FER: variants seen among roughly 807,000 people sequenced by gnomAD.
The protein encoded by FER is tyrosine-protein kinase Fer.
In FER, 63 loss-of-function variants were observed where a neutral mutation model predicts 111.0. The ratio of observed to expected loss-of-function variants is 0.57; its 90% CI spans 0.46 to 0.70. The LOEUF (loss-of-function observed/expected upper bound fraction) is 0.70. Ranked by LOEUF, FER falls within the 30% of genes least tolerant of loss-of-function variation. FER has a pLI of 0.00. For synonymous variants in FER, 327 were observed against 313.9 expected, an observed-to-expected ratio of 1.04 and a Z score of -0.44; for missense variants, 914 against 954.0, an observed-to-expected ratio of 0.96 and a Z score of 0.55.
At chr5:108,951,378 T>A (rs892439692) in intron 11 of FER, among the ~76,000 whole-genome samples, 2 of 152,142 alleles carry the variant, frequency 1.3e-5, no homozygotes, top group Non-Finnish European at 2.9e-5. Context: ...AAAGTGCTGT[T>A]ACAGGATACA....
chr5:109,072,640 C>A (rs530625488), intron 16 of FER, among the ~76,000 whole-genome samples: 5 of 151,900 alleles, frequency 3.3e-5, no homozygotes, highest in African/African-American at 9.7e-5. Context: ...ATCCAGCTAT[C>A]GGACTCAAAG....
At chr5:108,773,960 A>G (rs912448764) in intron 2 of FER, among the ~76,000 whole-genome samples, 1 of 152,150 alleles carries the variant, frequency 6.6e-6, no homozygotes, top group Non-Finnish European at 1.5e-5. Flanking sequence ...TCTGGTATAC[A>G]TGTGCAGAAT....
At chr5:109,068,732 C>G (rs1385605705) in intron 16 of FER, among the ~76,000 whole-genome samples, 1 of 152,098 alleles carries the variant, frequency 6.6e-6, no homozygotes, top group East Asian at 1.9e-4. Context: ...GAATATAATG[C>G]TCAAAGGGTT....
In FER at chr5:109,096,861, A is replaced by C. The variant is rs1259087458; in HGVS notation, c.1925-3535A>C. ...GGAAAATAGATGTTATACAGCAAAC[A>C]CCAAGTCCCTACTACAACCCTTTCT... On this transcript the variant is annotated intron_variant, in intron 16 of 19. Transcript: ENST00000281092. Among the ~76,000 whole-genome samples the C allele has an allele frequency of 2.0e-5, 3 of 151,626 alleles. No individual in the cohort carries two copies. In the Admixed American group the frequency reaches 2.0e-4, roughly 10 times the overall value.
intron 9 of FER, 76 bp from the exon 10 acceptor site, chr5:108,897,583 G>C: frequency 9.4e-7 from 1 of 1,063,324 alleles, no homozygotes; most frequent in African/African-American, 1.7e-5. Flanking sequence ...TCAAAGAAAA[G>C]CATAATTTAC....
At chr5:108,883,582 G>GTAAAAATATTT (rs1765888797) in intron 9 of FER, 64 bp downstream of exon 9, 1 of 1,398,088 alleles carries the variant, frequency 7.2e-7, no homozygotes, top group South Asian at 1.6e-5. Flanking sequence ...AAATATTTTA[G>GTAAAAATATTT]TTACATGGCA....
intron 16 of FER, among the ~76,000 whole-genome samples, chr5:109,087,459 G>T (rs11955632): frequency 6.6e-6 from 1 of 151,546 alleles, no homozygotes; most frequent in Non-Finnish European, 1.5e-5. Context: ...ATTAATTATT[G>T]AGAAAAAGTT....
At chr5:109,159,857 G>T (rs1755813399) in intron 17 of FER, among the ~76,000 whole-genome samples, 1 of 152,162 alleles carries the variant, frequency 6.6e-6, no homozygotes, top group South Asian at 2.1e-4. Context: ...TGTGGCAGCA[G>T]TAATCTACTA....
In FER at chr5:108,835,183, C is replaced by CG. The variant is rs1392251031; in HGVS notation, c.382-525_382-524insG. Reference sequence around the variant, plus strand: ...GGCAGTGTTATTTCTTCGTTTGCGCCACCCCCCCCCCCCCACTTTTTTTTT... The same window carrying CG: ...GGCAGTGTTATTTCTTCGTTTGCGCCGACCCCCCCCCCCCCACTTTTTTTTT... On this transcript the variant is annotated intron_variant, in intron 4 of 19. Transcript: ENST00000281092. Among the ~76,000 whole-genome samples the CG allele has an allele frequency of 5.8e-3, 563 of 96,992 alleles. 76 individuals are homozygous for CG. Among genetic ancestry groups the CG allele is most frequent in the Non-Finnish European group, 8.7e-3 (408 of 46,782 alleles). The allele number at this position is 96,992 out of a possible 152,430, so 63.6% of individuals were successfully genotyped here. A position where few individuals can be genotyped will look rare whatever the true frequency, so the allele number is the denominator to read the frequency against.
chr5:108,912,305 A>G (rs1047848770), intron 10 of FER, among the ~76,000 whole-genome samples: 1 of 152,174 alleles, frequency 6.6e-6, no homozygotes, highest in Non-Finnish European at 1.5e-5. Flanking sequence ...ATTAAACAAC[A>G]AATTTCTTTA....
intron 1 of FER, among the ~76,000 whole-genome samples, chr5:108,761,852 T>G (rs559267957): frequency 1.3e-5 from 2 of 152,292 alleles, no homozygotes; most frequent in South Asian, 4.1e-4. Flanking sequence ...TTTCTGTTAT[T>G]GACTCAGTCC....
At chr5:108,961,826 G>A (rs1291263591) in intron 13 of FER, among the ~76,000 whole-genome samples, 1 of 152,040 alleles carries the variant, frequency 6.6e-6, no homozygotes, top group Non-Finnish European at 1.5e-5. Context: ...TGAATTATTT[G>A]TACTCTTATA....
At chr5:108,862,481 T>C (rs564291241) in intron 5 of FER, among the ~76,000 whole-genome samples, 3 of 152,308 alleles carry the variant, frequency 2.0e-5, no homozygotes, top group African/African-American at 7.2e-5. Flanking sequence ...TGAAAATGTG[T>C]AGAGAGATTG....
chr5:109,142,955 G>C (rs1394985927), intron 17 of FER, among the ~76,000 whole-genome samples: 1 of 152,140 alleles, frequency 6.6e-6, no homozygotes, highest in African/African-American at 2.4e-5. Flanking sequence ...TGGTCAGCCA[G>C]TGAAAAATGG....
At chr5:109,178,184 C>A (rs181235202) in intron 17 of FER, among the ~76,000 whole-genome samples, 17 of 152,264 alleles carry the variant, frequency 1.1e-4, no homozygotes, top group African/African-American at 3.6e-4. Context: ...TGCTTATGGC[C>A]TAAAGGCCTA....
chr5:109,159,434 G>A (rs958677968), intron 17 of FER, among the ~76,000 whole-genome samples: 2 of 140,020 alleles, frequency 1.4e-5, no homozygotes, highest in African/African-American at 5.3e-5. Flanking sequence ...TTGGTACCAT[G>A]AACAGGGATC....
chr5:109,192,077 C>CTT lies in FER; in HGVS notation c.*4503_*4504dup, dbSNP rs1365503649. On this transcript the variant is annotated 3_prime_UTR_variant, in exon 20 of 20. Coordinates refer to ENST00000281092, the MANE Select transcript of FER (RefSeq NM_005246.4). Reference sequence around the variant, plus strand: ...CTTTTAGTGTAGGCATTAGGAATCACTTAGCCACTTAATAAGGACTGAGAT... The same window carrying CTT: ...CTTTTAGTGTAGGCATTAGGAATCACTTTTAGCCACTTAATAAGGACTGAGAT... 2 of 151,874 alleles carry CTT rather than the reference C, an allele frequency of 1.3e-5. No homozygotes were observed. Among genetic ancestry groups the CTT allele is most frequent in the Non-Finnish European group, 2.9e-5 (2 of 68,032 alleles). 9.4% of individuals were successfully genotyped at this position (151,874 alleles called of 1,614,324 possible).
chr5:108,930,005 A>G (rs73209333), intron 10 of FER, among the ~76,000 whole-genome samples: 8,926 of 152,188 alleles, frequency 0.059, 599 homozygotes, highest in African/African-American at 0.16. Flanking sequence ...TGAATTTCTA[A>G]AGTTTTAAGA....
chr5:108,872,288 A>G (rs1297619490), intron 8 of FER, 76 bp downstream of exon 8: 3 of 1,358,310 alleles, frequency 2.2e-6, no homozygotes, highest in Non-Finnish European at 3.0e-6. Context: ...GATTTAAAAT[A>G]TCAATTATTT....
Sources: gnomAD v4.1 joint callset for allele counts (sites outside exome capture counted in the v4.1 genomes callset) on GRCh38, gnomAD v4.1.1 for gene constraint, MANE v1.5 for transcripts, NCBI Gene and HGNC (gene_info 2026-07-23, HGNC 2026-07-21) for gene names.